CDK8: variants seen among roughly 807,000 people sequenced by gnomAD.
CDK8 encodes the protein cyclin dependent kinase 8.
CDK8 carries 29 observed loss-of-function variants against 71.5 expected under a neutral mutation model. The observed-to-expected ratio is 0.41, with a 90% confidence interval of 0.30 to 0.55. The LOEUF (loss-of-function observed/expected upper bound fraction) is 0.55. Among genes scored for constraint, CDK8 ranks in the 20% least tolerant of loss-of-function variants. The pLI is 0.37. For missense variants in CDK8, 288 were observed against 572.6 expected (o/e 0.50, Z 5.07); for synonymous variants, 161 against 192.1 (o/e 0.84, Z 1.34).
intron 1 of CDK8, among the ~76,000 whole-genome samples, chr13:26,260,546 G>A (rs1194150374): frequency 6.6e-6 from 1 of 152,104 alleles, no homozygotes; most frequent in Non-Finnish European, 1.5e-5. Context: ...GTGATGGATG[G>A]TAACAAATTG....
Position 26,302,587 on chromosome 13 carries a change from G to A in CDK8, c.129-34980G>A, listed in dbSNP as rs1873871964. The stretch of plus-strand genomic sequence containing the variant: ...TTTGCAGCTTTGTCTTTCATCATGT[G>A]TGATTGTCTTATCTTTGTCTTTTAG... On this transcript the variant is annotated intron_variant, in intron 1 of 12. Transcript: ENST00000381527. 2.6e-5 allele frequency among the ~76,000 whole-genome samples: 4 copies of A among 152,154 alleles called. No homozygotes were observed. In the South Asian group the frequency reaches 8.3e-4, roughly 32 times the overall value.
At chr13:26,384,380 A>G (rs1295395566) in intron 5 of CDK8, among the ~76,000 whole-genome samples, 1 of 152,228 alleles carries the variant, frequency 6.6e-6, no homozygotes, top group Non-Finnish European at 1.5e-5. Context: ...TGGTATGAAT[A>G]GTGATCATTC....
intron 1 of CDK8, among the ~76,000 whole-genome samples, chr13:26,334,460 T>C (rs1390604123): frequency 6.6e-6 from 1 of 152,190 alleles, no homozygotes; most frequent in Non-Finnish European, 1.5e-5. Context: ...TGTCCTTAAC[T>C]TCGTCTTTCT....
At chr13:26,400,367 C>T in intron 9 of CDK8, 86 bp from the exon 10 acceptor site, 7 of 813,506 alleles carry the variant, frequency 8.6e-6, no homozygotes, top group South Asian at 6.2e-5. Flanking sequence ...TGTTATTCAC[C>T]AAAAAATATA....
intron 1 of CDK8, among the ~76,000 whole-genome samples, chr13:26,274,481 G>C (rs960278565): frequency 2.0e-5 from 3 of 150,882 alleles, no homozygotes; most frequent in Non-Finnish European, 2.9e-5. Flanking sequence ...GCCCAGGCTG[G>C]AGTGCAGTGG....
intron 4 of CDK8, among the ~76,000 whole-genome samples, chr13:26,357,993 A>C (rs1376178644): frequency 6.6e-6 from 1 of 152,186 alleles, no homozygotes; most frequent in African/African-American, 2.4e-5. Context: ...GGTCCAGCCA[A>C]ATTTACACAT....
chr13:26,394,847 A>G (rs1214802174), intron 7 of CDK8, among the ~76,000 whole-genome samples: 2 of 152,184 alleles, frequency 1.3e-5, no homozygotes, highest in Non-Finnish European at 2.9e-5. Context: ...ATTTAGTAAG[A>G]TGGTGGTAGG....
intron 3 of CDK8, among the ~76,000 whole-genome samples, chr13:26,350,961 A>T (rs936883781): frequency 6.6e-6 from 1 of 152,058 alleles, no homozygotes; most frequent in African/African-American, 2.4e-5. Flanking sequence ...ATTTTTTAAA[A>T]ATCTGAAACG....
At chr13:26,272,249 C>A (rs1045175782) in intron 1 of CDK8, among the ~76,000 whole-genome samples, 3 of 151,668 alleles carry the variant, frequency 2.0e-5, no homozygotes, top group Non-Finnish European at 2.9e-5. Flanking sequence ...CCCAACACTT[C>A]GGGAGGCTTG....
chr13:26,275,058 A>T (rs1165874669), intron 1 of CDK8, among the ~76,000 whole-genome samples: 1 of 152,074 alleles, frequency 6.6e-6, no homozygotes, highest in Non-Finnish European at 1.5e-5. Flanking sequence ...TTCTCAATTG[A>T]TTCGAAATGC....
intron 1 of CDK8, among the ~76,000 whole-genome samples, chr13:26,289,698 C>T (rs1349913550): frequency 6.6e-6 from 1 of 151,940 alleles, no homozygotes; most frequent in African/African-American, 2.4e-5. Flanking sequence ...CTAAAGGCAC[C>T]TGCCACCATG....
rs1376165599 is a variant in CDK8 at position 26,254,817 on chromosome 13, CAGGCCGAGGCAG to C, written c.128+49_128+60del. 1 of 1,593,790 alleles carries C rather than the reference CAGGCCGAGGCAG, an allele frequency of 6.3e-7. No homozygotes were observed. Among genetic ancestry groups the C allele is most frequent in the South Asian group, 1.1e-5 (1 of 88,868 alleles). ...GTGTCCGCGCTGGGCGGCGCTCCCG[CAGGCCGAGGCAG>C]GTAGCCCGGAGGGAGAGCGGGCCGC... is the stretch of plus-strand genomic sequence containing the variant. On this transcript the variant is annotated intron_variant, in intron 1 of 12. Coordinates refer to ENST00000381527, the MANE Select transcript of CDK8 (RefSeq NM_001260.3). This position sits in a 1 kb window ranked among gnomAD's most constrained non-coding sequence, Gnocchi z 6.7.
intron 2 of CDK8, among the ~76,000 whole-genome samples, chr13:26,337,976 A>C (rs1224773853): frequency 6.6e-6 from 1 of 152,150 alleles, no homozygotes; most frequent in East Asian, 1.9e-4. Context: ...TTATTTTAAT[A>C]GAATGAGACT....
intron 2 of CDK8, 47 bp from the exon 3 acceptor site, chr13:26,349,025 A>T (rs367916142): frequency 1.8e-6 from 2 of 1,131,848 alleles, no homozygotes; most frequent in Non-Finnish European, 2.7e-6. Context: ...GGTTTTTTAC[A>T]TTATTTTTGT....
At chr13:26,322,375 A>G (rs943399250) in intron 1 of CDK8, among the ~76,000 whole-genome samples, 2 of 152,150 alleles carry the variant, frequency 1.3e-5, no homozygotes, top group African/African-American at 4.8e-5. Context: ...TGATGCTCCC[A>G]TTCATTCACC....
intron 1 of CDK8, among the ~76,000 whole-genome samples, chr13:26,259,656 C>T (rs1357565513): frequency 6.6e-6 from 1 of 152,090 alleles, no homozygotes; most frequent in Admixed American, 6.6e-5. Context: ...ATTTAGGCCA[C>T]GTTGAGATTT....
At chr13:26,283,896 C>CAAAA (rs752553551) in intron 1 of CDK8, among the ~76,000 whole-genome samples, 11 of 89,480 alleles carry the variant, frequency 1.2e-4, no homozygotes, top group African/African-American at 3.9e-4. Flanking sequence ...GACTCCATCT[C>CAAAA]AAAAAAAAAA....
chr13:26,309,608 G>C (rs1239240940), intron 1 of CDK8, among the ~76,000 whole-genome samples: 1 of 151,836 alleles, frequency 6.6e-6, no homozygotes, highest in African/African-American at 2.4e-5. Flanking sequence ...CAATATGCCT[G>C]GATTCCAGAC....
At chr13:26,275,597 A>G (rs1353024127) in intron 1 of CDK8, among the ~76,000 whole-genome samples, 1 of 152,164 alleles carries the variant, frequency 6.6e-6, no homozygotes, top group Admixed American at 6.5e-5. Context: ...CTTGTATTTC[A>G]TTTGCTAAAT....
Sources: gnomAD v4.1 joint callset for allele counts (sites outside exome capture counted in the v4.1 genomes callset) on GRCh38, gnomAD v4.1.1 for gene constraint, Gnocchi (gnomAD v3.1) non-coding constraint, MANE v1.5 for transcripts, NCBI Gene and HGNC (gene_info 2026-07-23, HGNC 2026-07-21) for gene names.